MTMR3: variants seen among roughly 807,000 people sequenced by gnomAD.
The protein encoded by MTMR3 is myotubularin related protein 3.
MTMR3 carries 32 observed loss-of-function variants against 132.4 expected under a neutral mutation model. That is an observed-to-expected ratio of 0.24 (90% CI 0.18 to 0.32). The LOEUF is 0.32. Ranked by LOEUF, MTMR3 falls within the 10% of genes least tolerant of loss-of-function variation. The pLI is 1.00. For missense variants in MTMR3, 1,216 were observed against 1,489.6 expected (o/e 0.82, Z 3.02); for synonymous variants, 556 against 550.3 (o/e 1.01, Z -0.14).
In MTMR3 at chr22:30,020,282, A is replaced by G. The variant is rs1414985401; in HGVS notation, c.2623A>G (p.Arg875Gly). The change falls in exon 17 of 20, where the codon AGG becomes GGG. Residue 875 changes from arginine (R) to glycine (G), a missense_variant. Physicochemically the swap from Arg to Gly is moderately radical, Grantham distance 125 (BLOSUM62 -2). Transcript: ENST00000401950. Reference sequence around the variant, plus strand: ...TTGCCTTGTAAATAGTGGCAAGGACAGGCTTCCTCAGACCATGGAACCCAG... The same window carrying G: ...TTGCCTTGTAAATAGTGGCAAGGACGGGCTTCCTCAGACCATGGAACCCAG... ...RSCLVNSGKD[R>G]LPQTMEPSPS... 6.2e-7 allele frequency: 1 copy of G among 1,614,106 alleles called. No individual in the cohort carries two copies. The highest frequency in any genetic ancestry group is 8.5e-7 in the Non-Finnish European group (1 of 1,180,042).
chr22:29,989,675 A>G (rs2066922554), intron 6 of MTMR3: 1 of 152,162 alleles, frequency 6.6e-6, no homozygotes, highest in Admixed American at 6.5e-5. Context: ...CAACTGGAAT[A>G]CTGTATATAT....
chr22:29,963,229 G>C (rs2066348883), intron 2 of MTMR3, among the ~76,000 whole-genome samples: 1 of 152,054 alleles, frequency 6.6e-6, no homozygotes, highest in Non-Finnish European at 1.5e-5. Flanking sequence ...TTACAGGCAT[G>C]AGCCACCATG....
chr22:29,926,686 C>T (rs1009414579), intron 1 of MTMR3, among the ~76,000 whole-genome samples: 1 of 152,054 alleles, frequency 6.6e-6, no homozygotes, highest in East Asian at 1.9e-4. Context: ...TGTGTATCTT[C>T]TTTGGAAAAA....
intron 19 of MTMR3, 110 bp downstream of exon 19, chr22:30,022,807 G>A (rs1775878583): frequency 3.1e-6 from 3 of 971,014 alleles, no homozygotes; most frequent in South Asian, 1.5e-5. Context: ...GTCTGAGGCA[G>A]AGCCATGGTC....
chr22:29,899,559 A>G (rs2064965891), intron 1 of MTMR3: 1 of 152,190 alleles, frequency 6.6e-6, no homozygotes, highest in African/African-American at 2.4e-5. Context: ...TTGTTTTTGG[A>G]TATTAAATAA....
intron 1 of MTMR3, among the ~76,000 whole-genome samples, chr22:29,903,601 G>T (rs1180834072): frequency 6.6e-6 from 1 of 151,874 alleles, no homozygotes; most frequent in Non-Finnish European, 1.5e-5. Flanking sequence ...GTTGCGTCAT[G>T]TTGCCCATCT....
intron 1 of MTMR3, among the ~76,000 whole-genome samples, chr22:29,910,576 A>T (rs2065191805): frequency 6.6e-6 from 1 of 152,214 alleles, no homozygotes; most frequent in African/African-American, 2.4e-5. Flanking sequence ...CGACTATATG[A>T]TAACCAAAAG....
At chr22:29,984,787 G>C (rs2066823866) in intron 5 of MTMR3, 2 of 152,190 alleles carry the variant, frequency 1.3e-5, no homozygotes, top group Admixed American at 1.3e-4. Context: ...TTTAAACTCT[G>C]TTTTCCTCTT....
chr22:29,970,878 T>G (rs2066519620), intron 2 of MTMR3, 98 bp from the exon 3 acceptor site: 1 of 583,838 alleles, frequency 1.7e-6, no homozygotes, highest in Non-Finnish European at 3.0e-6. Flanking sequence ...ATACAATACC[T>G]TTGTGAGGAT....
At chr22:29,942,968 G>C (rs181076302) in intron 1 of MTMR3, among the ~76,000 whole-genome samples, 3 of 152,152 alleles carry the variant, frequency 2.0e-5, no homozygotes, top group African/African-American at 7.2e-5. Context: ...ACAGGCATAG[G>C]AAATCACAAG....
chr22:29,991,448 ACATTT>A, intron 6 of MTMR3, 51 bp from the exon 7 acceptor site: 3 of 1,504,726 alleles, frequency 2.0e-6, no homozygotes, highest in African/African-American at 2.8e-5. Context: ...GGCTTTTCTT[ACATTT>A]CATTTCAACT....
intron 1 of MTMR3, among the ~76,000 whole-genome samples, chr22:29,889,266 G>C (rs1602407233): frequency 6.8e-6 from 1 of 146,376 alleles, no homozygotes. Flanking sequence ...ATTATTTCTG[G>C]TTATGAAAGC....
At chr22:29,894,896 C>T (rs972460021) in intron 1 of MTMR3, among the ~76,000 whole-genome samples, 11 of 152,134 alleles carry the variant, frequency 7.2e-5, no homozygotes, top group Non-Finnish European at 1.2e-4. Context: ...TTGTTATTAT[C>T]GGCCCTTACT....
chr22:30,012,598 A>C (rs765136179), intron 13 of MTMR3, 35 bp downstream of exon 13: 2 of 1,550,066 alleles, frequency 1.3e-6, no homozygotes, highest in Non-Finnish European at 1.7e-6. Flanking sequence ...TTGGTACTTC[A>C]GGATGAGCCA....
chr22:29,890,668 T>A (rs557188787), intron 1 of MTMR3, among the ~76,000 whole-genome samples: 1 of 152,226 alleles, frequency 6.6e-6, no homozygotes, highest in Non-Finnish European at 1.5e-5. Flanking sequence ...GCTAGTGATT[T>A]GTCATCTTTA....
chr22:29,936,542 T>C (rs1226741276), intron 1 of MTMR3, among the ~76,000 whole-genome samples: 1 of 152,068 alleles, frequency 6.6e-6, no homozygotes, highest in East Asian at 1.9e-4. Context: ...TCTCTGTGGT[T>C]AGATTAGATT....
chr22:29,976,066 TG>T (rs2066623216), intron 3 of MTMR3, among the ~76,000 whole-genome samples: 1 of 152,066 alleles, frequency 6.6e-6, no homozygotes. Context: ...AGGAAAATAA[TG>T]GGTTCGTTGA....
rs757776750 is a variant in MTMR3 at position 30,025,738 on chromosome 22, A to G, written c.3534A>G (p.Leu1178=). Residue 1178 remains leucine, a synonymous_variant, in exon 20 of 20, where the codon CTA becomes CTG. Coordinates refer to ENST00000401950, the MANE Select transcript of MTMR3 (RefSeq NM_021090.4). ...SRVCKSCYSS[L]HPTSSSIDLE... Reference sequence around the variant, plus strand: ...TATGCAAGTCTTGCTATAGCAGCCTACATCCCACAAGCTCCAGCATTGACC... The same window carrying G: ...TATGCAAGTCTTGCTATAGCAGCCTGCATCCCACAAGCTCCAGCATTGACC... The G allele has an allele frequency of 8.1e-6, 13 of 1,614,054 alleles. No individual in the cohort carries two copies. Among genetic ancestry groups the G allele is most frequent in the African/African-American group, 1.3e-5 (1 of 74,910 alleles).
rs201127623 is a variant in MTMR3 at position 29,992,390 on chromosome 22, A to AC, written c.460+725dup. On this transcript the variant is annotated intron_variant, in intron 7 of 19. Coordinates refer to ENST00000401950, the MANE Select transcript of MTMR3 (RefSeq NM_021090.4). ...CCTAGATTATAGGTTTTAACATGTG[A>AC]CCCCCTCCCCCCCAAAAAAACCAAA... 7.6e-3 allele frequency: 1,131 copies of AC among 149,444 alleles called. 10 individuals are homozygous for AC. Among genetic ancestry groups the AC allele is most frequent in the African/African-American group, 0.026 (1,060 of 40,398 alleles). The allele number at this position is 149,444 out of a possible 1,614,324, so 9.3% of individuals were successfully genotyped here. A position where few individuals can be genotyped will look rare whatever the true frequency, so the allele number is the denominator to read the frequency against.
Sources: gnomAD v4.1 joint callset for allele counts (sites outside exome capture counted in the v4.1 genomes callset) on GRCh38, gnomAD v4.1.1 for gene constraint, MANE v1.5 for transcripts, NCBI Gene and HGNC (gene_info 2026-07-23, HGNC 2026-07-21) for gene names.